TRMT11: variants seen among roughly 807,000 people sequenced by gnomAD.
The protein encoded by TRMT11 is tRNA methyltransferase 11.
Under a neutral mutation model 62.8 loss-of-function variants are expected in TRMT11, and 53 were observed. The ratio of observed to expected loss-of-function variants is 0.84; its 90% CI spans 0.68 to 1.06. The LOEUF (loss-of-function observed/expected upper bound fraction) is 1.06, where lower values mean the gene tolerates loss of function less well. Among genes scored for constraint, TRMT11 ranks in the 50% least tolerant of loss-of-function variants. The pLI, the probability that TRMT11 is intolerant of heterozygous loss-of-function variation, is 0.00. For missense variants in TRMT11, 556 were observed against 553.4 expected (o/e 1.00, Z -0.05); for synonymous variants, 188 against 190.3 (o/e 0.99, Z 0.10).
chr6:126,259,704 C>G, the TRMT11 span, among the ~76,000 whole-genome samples: 1 of 152,112 alleles, frequency 6.6e-6, no homozygotes, highest in Admixed American at 6.5e-5. Flanking sequence ...CTCAGTTTCT[C>G]TCTCCTTTTA....
chr6:126,056,704 C>T (rs1395252118), intron 17 of TRMT11, among the ~76,000 whole-genome samples: 20 of 152,182 alleles, frequency 1.3e-4, no homozygotes, highest in African/African-American at 2.4e-5. Context: ...TGTCACCATC[C>T]TCCTTGAGGC....
At chr6:126,116,009 TTAGGGTCC>T (rs1777582615) in intron 21 of TRMT11, among the ~76,000 whole-genome samples, 3 of 147,976 alleles carry the variant, frequency 2.0e-5, no homozygotes, top group Non-Finnish European at 4.4e-5. Flanking sequence ...TGCTGTTACC[TTAGGGTCC>T]TTTTTTTTTT....
At chr6:126,233,453 T>C in the TRMT11 span, among the ~76,000 whole-genome samples, 1 of 152,092 alleles carries the variant, frequency 6.6e-6, no homozygotes, top group East Asian at 1.9e-4. Context: ...ATTCCAACTG[T>C]AGGAAAAGAG....
chr6:126,021,188 C>T lies in TRMT11; in HGVS notation c.1168C>T (p.Pro390Ser). Reference protein sequence around the residue: ...EYTEEMVPWHPCLELVSNCEQ... With the variant: ...EYTEEMVPWHSCLELVSNCEQ... ...CACTGAAGAGATGGTGCCTTGGCAC[C>T]CTTGCCTGGAACTCGTTAGCAACTG... Residue 390 changes from proline (P) to serine (S), a missense_variant, in exon 12 of 13, where the codon CCT (proline) becomes TCT (serine). By Grantham distance (74) the Pro-to-Ser change is moderately conservative (BLOSUM62 -1). Coordinates refer to ENST00000334379, the MANE Select transcript of TRMT11 (RefSeq NM_001031712.3). 1.2e-6 allele frequency: 2 copies of T among 1,614,040 alleles called. No individual in the cohort carries two copies. The highest frequency in any genetic ancestry group is 3.3e-4 in the Middle Eastern group (2 of 6,054).
chr6:126,011,813 A>G (rs1378242124), intron 9 of TRMT11, among the ~76,000 whole-genome samples: 1 of 152,186 alleles, frequency 6.6e-6, no homozygotes, highest in East Asian at 1.9e-4. Flanking sequence ...AGAGTTTCAG[A>G]TATCACACAT....
At chr6:126,236,984 T>C in the TRMT11 span, among the ~76,000 whole-genome samples, 1 of 152,098 alleles carries the variant, frequency 6.6e-6, no homozygotes, top group Non-Finnish European at 1.5e-5. Context: ...TCTGCTTCCA[T>C]CTAACATGCT....
chr6:126,248,046 T>C, the TRMT11 span, among the ~76,000 whole-genome samples: 1 of 152,188 alleles, frequency 6.6e-6, no homozygotes, highest in African/African-American at 2.4e-5. Context: ...ACCGTATGCT[T>C]GAAAACTGAG....
At chr6:126,096,553 C>CT (rs376596023) in intron 17 of TRMT11, among the ~76,000 whole-genome samples, 206 of 145,388 alleles carry the variant, frequency 1.4e-3, no homozygotes, top group East Asian at 9.7e-3. Flanking sequence ...TAGATTTTAG[C>CT]TTTTTTTTTT....
chr6:126,227,195 C>T, the TRMT11 span, among the ~76,000 whole-genome samples: 1 of 152,144 alleles, frequency 6.6e-6, no homozygotes, highest in Non-Finnish European at 1.5e-5. Context: ...TAGCAAAACC[C>T]CACAAAGGAC....
the TRMT11 span, among the ~76,000 whole-genome samples, chr6:126,220,499 C>T: frequency 6.6e-6 from 1 of 152,036 alleles, no homozygotes; most frequent in Non-Finnish European, 1.5e-5. Flanking sequence ...GCTTTTGCTC[C>T]CAAATGAAAG....
intron 12 of TRMT11, among the ~76,000 whole-genome samples, chr6:126,036,754 C>T (rs888314317): frequency 2.0e-5 from 3 of 152,050 alleles, no homozygotes; most frequent in African/African-American, 4.8e-5. Context: ...GACAGAATTT[C>T]GAATACCTGG....
intron 17 of TRMT11, among the ~76,000 whole-genome samples, chr6:126,075,728 C>A (rs972436991): frequency 4.6e-5 from 7 of 152,136 alleles, no homozygotes; most frequent in Non-Finnish European, 8.8e-5. Context: ...AAGGTAATTA[C>A]CTCTAGCTGC....
chr6:126,128,934 C>A (rs1777750056), intron 21 of TRMT11, among the ~76,000 whole-genome samples: 1 of 87,310 alleles, frequency 1.1e-5, no homozygotes, highest in Non-Finnish European at 2.4e-5. Context: ...TTTTTTTTTG[C>A]ACAGCTTTCA....
chr6:126,265,841 ATTC>A, the TRMT11 span, among the ~76,000 whole-genome samples: 1 of 152,152 alleles, frequency 6.6e-6, no homozygotes, highest in Non-Finnish European at 1.5e-5. Flanking sequence ...TATATTTATC[ATTC>A]TTCTTCAAGC....
intron 17 of TRMT11, among the ~76,000 whole-genome samples, chr6:126,077,790 T>A (rs1357904438): frequency 6.6e-6 from 1 of 152,206 alleles, no homozygotes; most frequent in Non-Finnish European, 1.5e-5. Context: ...TAGTATAGAT[T>A]AAGCAATTGT....
intron 1 of TRMT11, among the ~76,000 whole-genome samples, chr6:126,177,659 T>C (rs576742071): frequency 6.6e-6 from 1 of 152,304 alleles, no homozygotes; most frequent in South Asian, 2.1e-4. Flanking sequence ...CCATTTTTGG[T>C]TTAACCTCTA....
intron 18 of TRMT11, among the ~76,000 whole-genome samples, chr6:126,113,043 G>A (rs1433017334): frequency 6.6e-6 from 1 of 152,014 alleles, no homozygotes; most frequent in East Asian, 1.9e-4. Context: ...TGGAGACATA[G>A]AGGTGAACTC....
intron 21 of TRMT11, among the ~76,000 whole-genome samples, chr6:126,143,663 G>C (rs899684769): frequency 1.3e-5 from 2 of 151,952 alleles, no homozygotes; most frequent in Non-Finnish European, 2.9e-5. Flanking sequence ...GGAAGGGTTT[G>C]GTTTTTAAAA....
chr6:126,039,411 A>T (rs938035387), downstream of TRMT11: 1 of 152,180 alleles, frequency 6.6e-6, no homozygotes, highest in Non-Finnish European at 1.5e-5. Context: ...ACCTAGAAAG[A>T]TTCCAAACTC....
Sources: allele counts gnomAD v4.1 joint callset (sites outside exome capture counted in the v4.1 genomes callset), GRCh38; gene constraint gnomAD v4.1.1; transcripts MANE v1.5; gene names NCBI Gene and HGNC (gene_info 2026-07-23, HGNC 2026-07-21).